TCF7L2: variants seen among roughly 807,000 people sequenced by gnomAD.
The protein encoded by TCF7L2 is transcription factor 7-like 2.
TCF7L2 carries 23 observed loss-of-function variants against 77.9 expected under a neutral mutation model. That is an observed-to-expected ratio of 0.30 (90% confidence interval 0.21 to 0.42). The LOEUF (loss-of-function observed/expected upper bound fraction) is 0.42. Ranked by LOEUF, TCF7L2 falls within the 10% of genes least tolerant of loss-of-function variation. TCF7L2 has a pLI of 1.00. For missense variants in TCF7L2, 654 were observed against 793.1 expected (o/e 0.82, Z 2.11); for synonymous variants, 413 against 340.2 (o/e 1.21, Z -2.36).
chr10:112,954,915 A>G (rs1211284915), intron 3 of TCF7L2, among the ~76,000 whole-genome samples: 1 of 152,220 alleles, frequency 6.6e-6, no homozygotes, highest in Non-Finnish European at 1.5e-5. Flanking sequence ...GGAATCCAGC[A>G]TTTAAAGGAA....
intron 5 of TCF7L2, among the ~76,000 whole-genome samples, chr10:113,113,869 T>A (rs2136144890): frequency 6.6e-6 from 1 of 152,312 alleles, no homozygotes; most frequent in East Asian, 1.9e-4. Flanking sequence ...AAAATCAGCC[T>A]TTTAAGAATC....
intron 5 of TCF7L2, chr10:113,125,715 G>C (rs1217052255): frequency 6.6e-6 from 1 of 152,202 alleles, no homozygotes; most frequent in Non-Finnish European, 1.5e-5. Context: ...GCTGCGCAAG[G>C]TGGCAAGATA....
intron 5 of TCF7L2, among the ~76,000 whole-genome samples, chr10:113,060,051 G>A (rs915156676): frequency 6.6e-6 from 1 of 152,218 alleles, no homozygotes; most frequent in African/African-American, 2.4e-5. Flanking sequence ...AAGGAAGTGT[G>A]ATTTCTGATA....
At chr10:113,124,425 T>C (rs1314807045) in intron 5 of TCF7L2, among the ~76,000 whole-genome samples, 1 of 152,112 alleles carries the variant, frequency 6.6e-6, no homozygotes, top group African/African-American at 2.4e-5. Context: ...AGATTAACCA[T>C]CACATCTGTC....
At chr10:113,074,534 G>A (rs536461483) in intron 5 of TCF7L2, among the ~76,000 whole-genome samples, 42 of 152,098 alleles carry the variant, frequency 2.8e-4, no homozygotes, top group South Asian at 4.2e-4. Flanking sequence ...AAGAGTTGTC[G>A]GACTGTGCGG....
intron 4 of TCF7L2, among the ~76,000 whole-genome samples, chr10:113,035,580 T>C (rs1036461897): frequency 1.3e-5 from 2 of 152,210 alleles, no homozygotes; most frequent in African/African-American, 2.4e-5. Context: ...TTTTTTTATT[T>C]TTGTACAGTC....
At chr10:113,039,460 A>T (rs1455690419) in intron 4 of TCF7L2, among the ~76,000 whole-genome samples, 1 of 152,218 alleles carries the variant, frequency 6.6e-6, no homozygotes, top group African/African-American at 2.4e-5. Context: ...AGTTTTGTTG[A>T]GTAAACTTGG....
intron 3 of TCF7L2, among the ~76,000 whole-genome samples, chr10:112,955,874 A>G (rs1240808196): frequency 6.6e-6 from 1 of 152,136 alleles, no homozygotes; most frequent in Non-Finnish European, 1.5e-5. Context: ...TAGCATTTTA[A>G]TAGTTGCACC....
chr10:113,074,803 A>T (rs1033128285), intron 5 of TCF7L2, among the ~76,000 whole-genome samples: 1 of 152,182 alleles, frequency 6.6e-6, no homozygotes, highest in African/African-American at 2.4e-5. Context: ...TCCCCAGGAG[A>T]CATCTGGATA....
At chr10:113,063,281 A>C (rs1347029802) in intron 5 of TCF7L2, among the ~76,000 whole-genome samples, 1 of 152,156 alleles carries the variant, frequency 6.6e-6, no homozygotes, top group Non-Finnish European at 1.5e-5. Flanking sequence ...CTCTCTGATG[A>C]TAGGCTAATG....
At position 113,066,370 on chromosome 10, in the gene TCF7L2, A is replaced by G. The variant is rs866447924; in HGVS notation, c.552+26244A>G. 3.2e-4 allele frequency among the ~76,000 whole-genome samples: 49 copies of G among 152,300 alleles called. No homozygotes were observed. The Middle Eastern group carries it at 0.014, about 42-fold the overall frequency. ...ACAAGAGCAAAAGTCCGTCTCAAAA[A>G]AAAAAAAAAGTTATGCTTTTAATCT... is the stretch of plus-strand genomic sequence containing the variant. On this transcript the variant is annotated intron_variant, in intron 5 of 13. Coordinates refer to ENST00000627217, the MANE Select transcript of TCF7L2 (RefSeq NM_001146274.2).
At chr10:113,094,087 G>A (rs534802231) in intron 5 of TCF7L2, among the ~76,000 whole-genome samples, 7 of 152,274 alleles carry the variant, frequency 4.6e-5, no homozygotes, top group South Asian at 2.1e-4. Context: ...GTGTGTGTGC[G>A]CGTGCACGCG....
chr10:112,998,187 C>T (rs2043850164), intron 4 of TCF7L2, among the ~76,000 whole-genome samples: 3 of 151,878 alleles, frequency 2.0e-5, no homozygotes, highest in Admixed American at 2.0e-4. Flanking sequence ...GGTGCTCTCA[C>T]CTCAGCCTCC....
chr10:112,951,137 TTTCTCCCCC>T (rs1188090499), intron 1 of TCF7L2, 61 bp from the exon 2 acceptor site: 17 of 1,386,730 alleles, frequency 1.2e-5, no homozygotes, highest in Middle Eastern at 1.8e-4. Flanking sequence ...GCCGATTCTT[TTTCTCCCCC>T]TTCTCCCCCT....
chr10:113,039,917 A>G lies in TCF7L2; in HGVS notation c.451-108A>G, dbSNP rs1276727444. 5.6e-6 allele frequency: 5 copies of G among 889,902 alleles called. No individual in the cohort carries two copies. The Admixed American group carries it at 1.1e-4, about 19-fold the overall frequency. The allele number at this position is 889,902 out of a possible 1,614,324, so 55.1% of individuals were successfully genotyped here. ...TTTTAATGATTATTTGCATGCTTGT[A>G]TGTTTTTCAGTTTCTGACCCATGTC... On this transcript the variant is annotated intron_variant, in intron 4 of 13. Coordinates refer to ENST00000627217, the MANE Select transcript of TCF7L2 (RefSeq NM_001146274.2).
chr10:112,992,888 C>T (rs1262539125), intron 4 of TCF7L2, among the ~76,000 whole-genome samples: 2 of 152,128 alleles, frequency 1.3e-5, no homozygotes, highest in South Asian at 2.1e-4. Context: ...CTCAGCCTCC[C>T]AAGTAGCTGG....
intron 5 of TCF7L2, among the ~76,000 whole-genome samples, chr10:113,115,023 T>C (rs1477010427): frequency 2.6e-5 from 4 of 152,236 alleles, no homozygotes; most frequent in Admixed American, 2.0e-4. Flanking sequence ...GCAGCAGATA[T>C]GCTTGAACAG....
intron 3 of TCF7L2, among the ~76,000 whole-genome samples, chr10:112,954,222 C>T (rs969993091): frequency 6.6e-6 from 1 of 152,154 alleles, no homozygotes. Context: ...AGACAAATTT[C>T]GCTGTATGCT....
chr10:113,121,077 A>T (rs1393446700), intron 5 of TCF7L2, among the ~76,000 whole-genome samples: 2 of 152,210 alleles, frequency 1.3e-5, no homozygotes, highest in Non-Finnish European at 2.9e-5. Context: ...TGGGGGGAAA[A>T]GGGATTGAGG....
Sources: gnomAD v4.1 joint callset for allele counts (sites outside exome capture counted in the v4.1 genomes callset) on GRCh38, gnomAD v4.1.1 for gene constraint, MANE v1.5 for transcripts, NCBI Gene and HGNC (gene_info 2026-07-23, HGNC 2026-07-21) for gene names.